CHN2: variants seen among roughly 807,000 people sequenced by gnomAD.
The protein encoded by CHN2 is beta-chimaerin.
A neutral mutation model predicts 56.3 loss-of-function variants in CHN2; 35 were observed. The ratio of observed to expected loss-of-function variants is 0.62; its 90% CI spans 0.47 to 0.82. The LOEUF is 0.82. CHN2 is among the 40% of genes least tolerant of loss of function. The probability of loss-of-function intolerance (pLI) is 0.00; values close to 1 mark genes in which losing one functional copy is unlikely to be tolerated. For synonymous variants in CHN2, 210 were observed against 212.8 expected (o/e 0.99, Z 0.12); for missense variants, 491 against 580.5 (o/e 0.85, Z 1.58).
rs150230689 is a variant in CHN2 at position 29,252,574 on chromosome 7, C to CTTTT, written c.49+57587_49+57588insTTTT. On this transcript the variant is annotated intron_variant, in intron 1 of 12. Transcript: ENST00000222792. Reference sequence around the variant, plus strand: ...TTTGCTGTTTGTCTAAAATTGCATTCTTTGTTTTTTTTTTTTTTTTTTTTT... The same window carrying CTTTT: ...TTTGCTGTTTGTCTAAAATTGCATTCTTTTTTTGTTTTTTTTTTTTTTTTTTTTT... Among the ~76,000 whole-genome samples the CTTTT allele has an allele frequency of 2.5e-3, 48 of 19,286 alleles. 1 individual carries two copies. Among genetic ancestry groups the CTTTT allele is most frequent in the Non-Finnish European group, 3.4e-3 (36 of 10,744 alleles). 12.7% of individuals were successfully genotyped at this position (19,286 alleles called of 152,430 possible).
chr7:29,431,045 G>T (rs1562601159), intron 6 of CHN2, among the ~76,000 whole-genome samples: 1 of 152,122 alleles, frequency 6.6e-6, no homozygotes, highest in Non-Finnish European at 1.5e-5. Flanking sequence ...GAGAGTAACT[G>T]GGGGGCAGAG....
upstream of CHN2, chr7:29,192,863 A>T (rs1319993942): frequency 1.3e-5 from 2 of 152,190 alleles, no homozygotes; most frequent in Non-Finnish European, 2.9e-5. Flanking sequence ...CAGATAGTCC[A>T]CCATCTAAAG....
intron 2 of CHN2, among the ~76,000 whole-genome samples, chr7:29,157,267 G>T (rs1314199191): frequency 6.6e-6 from 1 of 150,428 alleles, no homozygotes; most frequent in Non-Finnish European, 1.5e-5. Context: ...CCCCCACCCT[G>T]CTACACCCAT....
intron 2 of CHN2, among the ~76,000 whole-genome samples, chr7:29,161,515 C>G (rs1795172819): frequency 1.3e-5 from 2 of 152,138 alleles, no homozygotes; most frequent in Non-Finnish European, 2.9e-5. Flanking sequence ...TTTAACTTTT[C>G]ATACCCATTC....
intron 1 of CHN2, among the ~76,000 whole-genome samples, chr7:29,261,119 C>G (rs1789516305): frequency 6.6e-6 from 1 of 152,178 alleles, no homozygotes; most frequent in South Asian, 2.1e-4. Context: ...TTCAGGAATT[C>G]TCTATCCAGC....
Position 29,398,479 on chromosome 7 carries a change from G to C in CHN2, c.283G>C (p.Ala95Pro). ...SQRQPGCYTL[A>P]LRFGNQTLNY... ...GCGGCAACCAGGATGCTACACGCTG[G>C]CTCTCAGGTGAGGCGCATTTCATTC... is the stretch of plus-strand genomic sequence containing the variant. Residue 95 changes from alanine to proline, a missense_variant, in exon 5 of 13, where the codon GCT becomes CCT. By Grantham distance (27) the Ala-to-Pro change is conservative (BLOSUM62 -1). Coordinates refer to ENST00000222792, the MANE Select transcript of CHN2 (RefSeq NM_004067.4). The C allele has an allele frequency of 6.2e-7, 1 of 1,606,818 alleles. No individual in the cohort carries two copies. Among genetic ancestry groups the C allele is most frequent in the Non-Finnish European group, 8.5e-7 (1 of 1,174,382 alleles).
At chr7:29,413,072 C>T (rs1318702441) in intron 6 of CHN2, among the ~76,000 whole-genome samples, 1 of 152,124 alleles carries the variant, frequency 6.6e-6, no homozygotes, top group Non-Finnish European at 1.5e-5. Flanking sequence ...AATGTCTGGC[C>T]GGGTCTTATG....
chr7:29,249,199 A>C (rs1421622367), intron 1 of CHN2, among the ~76,000 whole-genome samples: 1 of 152,126 alleles, frequency 6.6e-6, no homozygotes, highest in Admixed American at 6.5e-5. Flanking sequence ...GGCTCAGTCC[A>C]AGTCCAAAGG....
intron 2 of CHN2, among the ~76,000 whole-genome samples, chr7:29,358,383 G>A (rs992626503): frequency 1.3e-5 from 2 of 152,072 alleles, no homozygotes; most frequent in Non-Finnish European, 2.9e-5. Context: ...GTGCAACAGC[G>A]AGACCCTGTC....
intron 6 of CHN2, among the ~76,000 whole-genome samples, chr7:29,442,136 A>G (rs1376697210): frequency 6.6e-6 from 1 of 152,236 alleles, no homozygotes; most frequent in South Asian, 2.1e-4. Flanking sequence ...TACAACATGC[A>G]TGAACTTTGA....
At chr7:29,451,719 G>T (rs1784416881) in intron 6 of CHN2, among the ~76,000 whole-genome samples, 1 of 152,104 alleles carries the variant, frequency 6.6e-6, no homozygotes, top group Non-Finnish European at 1.5e-5. Flanking sequence ...ATGACCTGGA[G>T]GTTCAAAGCT....
chr7:29,483,407 GC>G (rs1787567463), intron 7 of CHN2, among the ~76,000 whole-genome samples: 1 of 152,150 alleles, frequency 6.6e-6, no homozygotes, highest in Admixed American at 6.5e-5. Flanking sequence ...GAGAACAAAA[GC>G]TTTGGGAACC....
At chr7:29,200,401 CTTCCTTCCTTCT>C (rs1168502663) in intron 1 of CHN2, among the ~76,000 whole-genome samples, 1 of 142,264 alleles carries the variant, frequency 7.0e-6, no homozygotes, top group Admixed American at 7.0e-5. Flanking sequence ...CCTTCTTCTC[CTTCCTTCCTTCT>C]TTCCTTCCTT....
chr7:29,224,784 T>C (rs1206298437), intron 1 of CHN2, among the ~76,000 whole-genome samples: 3 of 152,226 alleles, frequency 2.0e-5, no homozygotes, highest in African/African-American at 7.2e-5. Context: ...TATTTTTTCA[T>C]ATGTTAAATC....
chr7:29,462,813 G>C (rs749451213), intron 6 of CHN2, among the ~76,000 whole-genome samples: 2 of 151,598 alleles, frequency 1.3e-5, no homozygotes, highest in Non-Finnish European at 2.9e-5. Context: ...TGTGCACAAC[G>C]TGCAGGTTTG....
intron 6 of CHN2, among the ~76,000 whole-genome samples, chr7:29,437,040 GATA>G (rs1445255761): frequency 1.3e-5 from 2 of 151,920 alleles, no homozygotes; most frequent in African/African-American, 2.4e-5. Context: ...AAGCAACAAA[GATA>G]ATAAAGGTTT....
intron 3 of CHN2, among the ~76,000 whole-genome samples, chr7:29,375,595 C>T (rs1469307355): frequency 1.3e-5 from 2 of 152,196 alleles, no homozygotes; most frequent in African/African-American, 4.8e-5. Flanking sequence ...AAAAAAAGAA[C>T]TGATAGCATC....
intron 1 of CHN2, chr7:29,213,196 C>T (rs1463193575): frequency 7.0e-6 from 9 of 1,281,570 alleles, no homozygotes; most frequent in Middle Eastern, 2.6e-4. Flanking sequence ...TCCACGAACA[C>T]GCAACCTGAA....
chr7:29,442,964 C>T (rs1269991031), intron 6 of CHN2, among the ~76,000 whole-genome samples: 1 of 65,580 alleles, frequency 1.5e-5, no homozygotes, highest in Non-Finnish European at 2.9e-5. Context: ...GACGGAGTCT[C>T]GCTCTGTCGC....
Sources: allele counts gnomAD v4.1 joint callset (sites outside exome capture counted in the v4.1 genomes callset), GRCh38; gene constraint gnomAD v4.1.1; transcripts MANE v1.5; gene names NCBI Gene and HGNC (gene_info 2026-07-23, HGNC 2026-07-21).